CMC2: variants seen among roughly 807,000 people sequenced by gnomAD.
The protein encoded by CMC2 is C-X9-C motif containing 2.
In CMC2, 5 loss-of-function variants were observed where a neutral mutation model predicts 7.5. The observed-to-expected ratio is 0.66, with a 90% CI of 0.35 to 1.40. The LOEUF (loss-of-function observed/expected upper bound fraction) is 1.40, where lower values mean the gene tolerates loss of function less well. CMC2 is among the 40% of genes most tolerant of loss of function. The probability of loss-of-function intolerance (pLI) is 0.04; values close to 1 mark genes in which losing one functional copy is unlikely to be tolerated. For synonymous variants in CMC2, 37 were observed against 31.4 expected (o/e 1.18, Z -0.60); for missense variants, 115 against 92.3 (o/e 1.25, Z -1.01).
intron 2 of CMC2, among the ~76,000 whole-genome samples, chr16:80,986,441 T>A (rs1383023631): frequency 1.4e-5 from 2 of 140,278 alleles, no homozygotes. Context: ...GGCGACAGAG[T>A]GAAACTCCGT....
At chr16:81,002,209 G>T (rs1968918234) in intron 1 of CMC2, among the ~76,000 whole-genome samples, 2 of 152,176 alleles carry the variant, frequency 1.3e-5, no homozygotes, top group South Asian at 4.1e-4. Context: ...TGGATCACCT[G>T]AAGTCAAGAG....
At chr16:80,993,251 G>C (rs536736232) in intron 2 of CMC2, among the ~76,000 whole-genome samples, 1 of 152,244 alleles carries the variant, frequency 6.6e-6, no homozygotes, top group Admixed American at 6.5e-5. Context: ...ACAGGACTGT[G>C]ATAACTGAAA....
At chr16:81,000,166 A>C (rs111889995) in intron 1 of CMC2, among the ~76,000 whole-genome samples, 8,341 of 152,298 alleles carry the variant, frequency 0.055, 250 homozygotes, top group Non-Finnish European at 0.073. Flanking sequence ...CTATAAAGAA[A>C]TTAATTCAAC....
At chr16:80,993,038 T>C (rs1369603770) in intron 2 of CMC2, among the ~76,000 whole-genome samples, 1 of 152,172 alleles carries the variant, frequency 6.6e-6, no homozygotes, top group Non-Finnish European at 1.5e-5. Context: ...TTTCTTAGTG[T>C]TTGTATCGTT....
intron 2 of CMC2, chr16:80,988,639 C>T (rs1967730993): frequency 1.4e-6 from 1 of 695,460 alleles, no homozygotes; most frequent in Non-Finnish European, 2.6e-6. Context: ...CATACGATTA[C>T]CAAAATTAGG....
Position 80,971,549 on chromosome 16 carries a change from T to A in CMC2, c.*4544A>T, listed in dbSNP as rs1398413662. ...CAAAATAAAATATGGCTATGGATAC[T>A]GACATACATACATTTTATATATATA... On this transcript the variant is annotated 3_prime_UTR_variant, in exon 4 of 4. Coordinates refer to ENST00000219400, the MANE Select transcript of CMC2 (RefSeq NM_020188.5). 1 of 124,828 alleles carries A rather than the reference T, an allele frequency of 8.0e-6. No individual in the cohort carries two copies. The allele number at this position is 124,828 out of a possible 1,614,324, so 7.7% of individuals were successfully genotyped here.
At chr16:80,998,587 G>A (rs1968611135) in intron 1 of CMC2, 1 of 152,032 alleles carries the variant, frequency 6.6e-6, no homozygotes, top group South Asian at 2.1e-4. Flanking sequence ...CCATGTTCAC[G>A]GCATATTATT....
chr16:80,985,887 C>T (rs552852097), intron 2 of CMC2, among the ~76,000 whole-genome samples: 124 of 102,300 alleles, frequency 1.2e-3, no homozygotes, highest in Non-Finnish European at 1.8e-3. Context: ...AAATATCATT[C>T]TCCCATATAC....
chr16:80,984,049 A>G (rs1967335696), intron 2 of CMC2: 1 of 152,184 alleles, frequency 6.6e-6, no homozygotes, highest in South Asian at 2.1e-4. Flanking sequence ...ATAAGCCACT[A>G]ATTTACAATA....
chr16:80,999,915 A>T (rs1384738617), intron 1 of CMC2, among the ~76,000 whole-genome samples: 1 of 152,234 alleles, frequency 6.6e-6, no homozygotes, highest in Non-Finnish European at 1.5e-5. Context: ...TAGATTACAG[A>T]TTTACACAGA....
intron 2 of CMC2, among the ~76,000 whole-genome samples, chr16:80,986,569 T>C (rs968443486): frequency 5.3e-5 from 8 of 151,998 alleles, no homozygotes; most frequent in African/African-American, 1.7e-4. Context: ...GGAGACCAGA[T>C]AGAAGTCCTT....
In CMC2 at chr16:81,006,822, T is replaced by C. The variant is rs1969406036; in HGVS notation, c.-124A>G. The stretch of plus-strand genomic sequence containing the variant: ...GGCCGGCTGCTAGGGAGCAGACAGC[T>C]GAACCGCTTGCCAGACGCCGAAACC... On this transcript the variant is annotated 5_prime_UTR_variant, in exon 1 of 4. Coordinates refer to ENST00000219400, the MANE Select transcript of CMC2 (RefSeq NM_020188.5). The C allele has an allele frequency of 7.1e-6, 7 of 985,480 alleles. No individual in the cohort carries two copies. Among genetic ancestry groups the C allele is most frequent in the Non-Finnish European group, 8.4e-6 (7 of 830,060 alleles). 61.0% of individuals were successfully genotyped at this position (985,480 alleles called of 1,614,324 possible).
chr16:80,971,079 G>C lies in CMC2; in HGVS notation c.*5014C>G, dbSNP rs190972682. On this transcript the variant is annotated 3_prime_UTR_variant, in exon 4 of 4. Coordinates refer to ENST00000219400, the MANE Select transcript of CMC2 (RefSeq NM_020188.5). The stretch of plus-strand genomic sequence containing the variant: ...GAAGCCAGGAGGTGGAAGTTGCAGC[G>C]AGCTGAGATCATACCACTGCACTCC... The C allele has an allele frequency of 6.6e-6, 1 of 152,130 alleles. No homozygotes were observed. Among genetic ancestry groups the C allele is most frequent in the African/African-American group, 2.4e-5 (1 of 41,414 alleles). The allele number at this position is 152,130 out of a possible 1,614,324, so 9.4% of individuals were successfully genotyped here. A position where few individuals can be genotyped will look rare whatever the true frequency, so the allele number is the denominator to read the frequency against.
intron 1 of CMC2, among the ~76,000 whole-genome samples, chr16:80,999,205 T>C (rs2151649204): frequency 6.6e-6 from 1 of 152,232 alleles, no homozygotes; most frequent in Non-Finnish European, 1.5e-5. Flanking sequence ...CTCTGCCAAA[T>C]GACTTGAGTA....
At chr16:81,000,888 A>G (rs1968815753) in intron 1 of CMC2, among the ~76,000 whole-genome samples, 1 of 152,258 alleles carries the variant, frequency 6.6e-6, no homozygotes, top group Non-Finnish European at 1.5e-5. Flanking sequence ...AAAGAAAAAC[A>G]TGCACTCATA....
At position 80,973,941 on chromosome 16, in the gene CMC2, T is replaced by G. The variant is rs1912104554; in HGVS notation, c.*2152A>C. The G allele has an allele frequency of 6.6e-6, 1 of 152,246 alleles. No homozygotes were observed. Among genetic ancestry groups the G allele is most frequent in the Non-Finnish European group, 1.5e-5 (1 of 68,054 alleles). The allele number at this position is 152,246 out of a possible 1,614,324, so 9.4% of individuals were successfully genotyped here. A position where few individuals can be genotyped will look rare whatever the true frequency, so the allele number is the denominator to read the frequency against. ...GAACTTCCAAAGTTTCATCCTGCTC[T>G]TATGGTCAGCTACTGACATTGGCCT... On this transcript the variant is annotated 3_prime_UTR_variant, in exon 4 of 4. Transcript: ENST00000219400.
intron 2 of CMC2, among the ~76,000 whole-genome samples, chr16:80,985,104 C>A (rs530300836): frequency 6.6e-6 from 1 of 152,162 alleles, no homozygotes; most frequent in Non-Finnish European, 1.5e-5. Context: ...GGATCTGGGT[C>A]CTACTCTCAC....
At chr16:80,980,969 C>G (rs895312082) in intron 3 of CMC2, 1 of 484,988 alleles carries the variant, frequency 2.1e-6, no homozygotes, top group Non-Finnish European at 3.7e-6. Flanking sequence ...AGGTGAATGT[C>G]ACAATTTAAA....
chr16:80,971,553 ATACATACATTT>A lies in CMC2; in HGVS notation c.*4529_*4539del, dbSNP rs1911914577. The A allele has an allele frequency of 8.9e-6, 1 of 112,994 alleles. No homozygotes were observed. Among genetic ancestry groups the A allele is most frequent in the South Asian group, 2.4e-4 (1 of 4,100 alleles). 7.0% of individuals were successfully genotyped at this position (112,994 alleles called of 1,614,324 possible). The stretch of plus-strand genomic sequence containing the variant: ...ATAAAATATGGCTATGGATACTGAC[ATACATACATTT>A]TATATATATATATATATATATGTAT... On this transcript the variant is annotated 3_prime_UTR_variant, in exon 4 of 4. Transcript: ENST00000219400.
Sources: gnomAD v4.1 joint callset for allele counts (sites outside exome capture counted in the v4.1 genomes callset) on GRCh38, gnomAD v4.1.1 for gene constraint, MANE v1.5 for transcripts, NCBI Gene and HGNC (gene_info 2026-07-23, HGNC 2026-07-21) for gene names.